Variants in SLC24A2 observed in about 807,000 individuals in gnomAD.
SLC24A2 encodes sodium/potassium/calcium exchanger 2.
SLC24A2 carries 36 observed loss-of-function variants against 62.0 expected under a neutral mutation model. That is an observed-to-expected ratio of 0.58 (90% CI 0.44 to 0.77). The LOEUF is 0.77. SLC24A2 is among the 30% of genes least tolerant of loss of function. SLC24A2 has a pLI of 0.00. For missense variants in SLC24A2, 846 were observed against 817.9 expected, an observed-to-expected ratio of 1.03 and a Z score of -0.42; for synonymous variants, 358 against 294.0, an observed-to-expected ratio of 1.22 and a Z score of -2.23.
chr9:20,209,203 A>C, the SLC24A2 span, among the ~76,000 whole-genome samples: 3 of 152,242 alleles, frequency 2.0e-5, no homozygotes, highest in Non-Finnish European at 4.4e-5. Flanking sequence ...GTCTCAAATC[A>C]GTCAGGCTTC....
chr9:19,720,696 C>CG (rs1169353015), intron 2 of SLC24A2, among the ~76,000 whole-genome samples: 1 of 81,528 alleles, frequency 1.2e-5, no homozygotes, highest in Non-Finnish European at 2.8e-5. Context: ...ACAACCCCCC[C>CG]CCCCAAAAAA....
At chr9:19,767,126 C>T (rs529599849) in intron 2 of SLC24A2, among the ~76,000 whole-genome samples, 64 of 152,298 alleles carry the variant, frequency 4.2e-4, no homozygotes, top group African/African-American at 1.3e-3. Flanking sequence ...GCCTTAGTCA[C>T]GGCAGGCACC....
chr9:19,541,412 T>A (rs1160026295), intron 8 of SLC24A2, among the ~76,000 whole-genome samples: 1 of 151,974 alleles, frequency 6.6e-6, no homozygotes, highest in Non-Finnish European at 1.5e-5. Context: ...GGTCGTTAGT[T>A]TTCCTTCTAA....
intron 7 of SLC24A2, among the ~76,000 whole-genome samples, chr9:19,565,330 CAG>C (rs534252431): frequency 2.9e-5 from 4 of 138,236 alleles, no homozygotes; most frequent in Non-Finnish European, 4.8e-5. Flanking sequence ...AACAGACAAA[CAG>C]AGAGCCAAAT....
At chr9:20,086,747 G>C in the SLC24A2 span, among the ~76,000 whole-genome samples, 1 of 152,138 alleles carries the variant, frequency 6.6e-6, no homozygotes, top group African/African-American at 2.4e-5. Flanking sequence ...CAAAGCCTAG[G>C]AAATACTAAG....
At chr9:20,041,362 C>T in the SLC24A2 span, among the ~76,000 whole-genome samples, 1 of 152,380 alleles carries the variant, frequency 6.6e-6, no homozygotes, top group South Asian at 2.1e-4. Context: ...GCATATGTTA[C>T]CGACACATGT....
the SLC24A2 span, among the ~76,000 whole-genome samples, chr9:20,246,282 A>C: frequency 2.0e-5 from 3 of 152,216 alleles, no homozygotes; most frequent in African/African-American, 4.8e-5. Context: ...CACATGTGAA[A>C]CATATGTACA....
the SLC24A2 span, among the ~76,000 whole-genome samples, chr9:20,248,415 T>C: frequency 6.6e-6 from 1 of 152,064 alleles, no homozygotes; most frequent in Non-Finnish European, 1.5e-5. Context: ...GTTCTGGAGG[T>C]TGGGAATTCC....
the SLC24A2 span, among the ~76,000 whole-genome samples, chr9:20,225,596 A>G: frequency 1.3e-4 from 11 of 85,182 alleles, no homozygotes; most frequent in East Asian, 6.0e-3. Context: ...AGAAAGCAAG[A>G]TGTGAGAGCT....
chr9:20,169,405 A>T, the SLC24A2 span, among the ~76,000 whole-genome samples: 1 of 152,000 alleles, frequency 6.6e-6, no homozygotes, highest in African/African-American at 2.4e-5. Flanking sequence ...AGAACTCACA[A>T]ATTCTCTGAA....
At chr9:20,069,054 T>G in the SLC24A2 span, among the ~76,000 whole-genome samples, 1 of 49,994 alleles carries the variant, frequency 2.0e-5, no homozygotes. Flanking sequence ...AAAACTACTC[T>G]TGTTTTTCCT....
At chr9:19,866,577 T>A in the SLC24A2 span, among the ~76,000 whole-genome samples, 1 of 151,664 alleles carries the variant, frequency 6.6e-6, no homozygotes, top group Admixed American at 6.6e-5. Context: ...GAGATCATTA[T>A]GTTAGGTGAA....
the SLC24A2 span, among the ~76,000 whole-genome samples, chr9:19,829,840 C>CACAT: frequency 8.2e-6 from 1 of 122,120 alleles, no homozygotes; most frequent in East Asian, 2.4e-4. Context: ...CACACACACA[C>CACAT]ATATATAGAA....
At chr9:19,903,578 C>T in the SLC24A2 span, among the ~76,000 whole-genome samples, 1 of 152,178 alleles carries the variant, frequency 6.6e-6, no homozygotes, top group Non-Finnish European at 1.5e-5. Context: ...CTCAGGTAGG[C>T]TGCAGCAAGA....
At chr9:20,013,622 C>G in the SLC24A2 span, among the ~76,000 whole-genome samples, 1 of 152,172 alleles carries the variant, frequency 6.6e-6, no homozygotes, top group African/African-American at 2.4e-5. Flanking sequence ...AATGAACAGA[C>G]AACTCACAGA....
the SLC24A2 span, among the ~76,000 whole-genome samples, chr9:20,239,843 G>T: frequency 6.6e-6 from 1 of 150,862 alleles, no homozygotes; most frequent in Non-Finnish European, 1.5e-5. Flanking sequence ...AAAGAGATAT[G>T]GTATGAAAAT....
At chr9:19,994,077 A>G in the SLC24A2 span, among the ~76,000 whole-genome samples, 3 of 152,200 alleles carry the variant, frequency 2.0e-5, no homozygotes, top group East Asian at 3.9e-4. Flanking sequence ...CAGAGCTGGG[A>G]TTAGAATGGT....
chr9:20,129,923 T>G, the SLC24A2 span, among the ~76,000 whole-genome samples: 2 of 55,278 alleles, frequency 3.6e-5, no homozygotes, highest in South Asian at 1.3e-3. Flanking sequence ...TTATGTATAA[T>G]TTACTACACA....
At chr9:19,914,539 G>T in the SLC24A2 span, among the ~76,000 whole-genome samples, 1 of 151,922 alleles carries the variant, frequency 6.6e-6, no homozygotes, top group East Asian at 1.9e-4. Context: ...CTATCCTCAG[G>T]TCTTGGCCTG....
Sources: allele counts gnomAD v4.1 joint callset (sites outside exome capture counted in the v4.1 genomes callset), GRCh38; gene constraint gnomAD v4.1.1; transcripts MANE v1.5; gene names NCBI Gene and HGNC (gene_info 2026-07-23, HGNC 2026-07-21).